Variants in CHST15 observed in about 807,000 individuals in gnomAD.
CHST15 encodes carbohydrate sulfotransferase 15.
Under a neutral mutation model 53.6 loss-of-function variants are expected in CHST15, and 30 were observed. That is an observed-to-expected ratio of 0.56 (90% CI 0.42 to 0.76). CHST15 has a LOEUF of 0.76. Ranked by LOEUF, CHST15 falls within the 30% of genes least tolerant of loss-of-function variation. The pLI is 0.00. For missense variants in CHST15, 627 were observed against 740.5 expected (o/e 0.85, Z 1.78); for synonymous variants, 296 against 289.8 (o/e 1.02, Z -0.22).
chr10:124,071,549 T>C (rs2134161107), intron 1 of CHST15, among the ~76,000 whole-genome samples: 1 of 152,356 alleles, frequency 6.6e-6, no homozygotes, highest in South Asian at 2.1e-4. Flanking sequence ...TTCATGTAGT[T>C]CAACTCGAAT....
intron 5 of CHST15, among the ~76,000 whole-genome samples, chr10:124,029,396 G>A (rs994939839): frequency 5.3e-5 from 8 of 152,140 alleles, no homozygotes; most frequent in East Asian, 1.9e-4. Context: ...TCCTAAAAAC[G>A]CCCAAATGAA....
At chr10:124,020,969 T>A in intron 6 of CHST15, 1 of 1,398,428 alleles carries the variant, frequency 7.2e-7, no homozygotes, top group South Asian at 1.7e-5. Context: ...AATTGCTGGG[T>A]GTCTTGCTAA....
intron 5 of CHST15, among the ~76,000 whole-genome samples, chr10:124,034,119 T>C (rs939730541): frequency 1.3e-5 from 2 of 152,186 alleles, no homozygotes; most frequent in African/African-American, 4.8e-5. Flanking sequence ...GTCGCCACTG[T>C]TGTTCACCAG....
At chr10:124,053,929 A>T (rs1218536019) in intron 1 of CHST15, among the ~76,000 whole-genome samples, 1 of 152,074 alleles carries the variant, frequency 6.6e-6, no homozygotes, top group Admixed American at 6.5e-5. Flanking sequence ...AAAAACCAAC[A>T]AACAAACAAA....
chr10:124,085,148 T>C (rs1276019968), intron 1 of CHST15, among the ~76,000 whole-genome samples: 2 of 152,242 alleles, frequency 1.3e-5, no homozygotes, highest in East Asian at 3.8e-4. Context: ...TTGGAAATTA[T>C]AGTCCCTAAA....
At chr10:124,088,943 A>G (rs1250691425) in intron 1 of CHST15, among the ~76,000 whole-genome samples, 4 of 152,238 alleles carry the variant, frequency 2.6e-5, no homozygotes, top group Non-Finnish European at 5.9e-5. Context: ...ACAGGTCTAC[A>G]CATAAATCAT....
rs1440627186 is a variant in CHST15, at chr10:124,034,571, TTCATCCC to T, written c.1190+3937_1190+3943del. 2.1e-3 allele frequency among the ~76,000 whole-genome samples: 312 copies of T among 148,490 alleles called. 4 individuals carry two copies. The highest frequency in any genetic ancestry group is 7.2e-3 in the African/African-American group (285 of 39,636). ...TTCATCCCCTAACAGGGACCCTGGC[TTCATCCC>T]CTAACAGGGACCCTGGCTCCACCCC... On this transcript the variant is annotated intron_variant, in intron 5 of 7. Coordinates refer to ENST00000435907, the MANE Select transcript of CHST15 (RefSeq NM_001270764.2).
At chr10:124,059,033 A>G (rs768226813) in intron 1 of CHST15, among the ~76,000 whole-genome samples, 1 of 152,208 alleles carries the variant, frequency 6.6e-6, no homozygotes, top group Non-Finnish European at 1.5e-5. Flanking sequence ...TACAGAATAC[A>G]GGACAGCGAG....
At chr10:124,020,935 G>T in intron 6 of CHST15, 1 of 1,383,920 alleles carries the variant, frequency 7.2e-7, no homozygotes, top group Non-Finnish European at 9.3e-7. Flanking sequence ...TTGAGAGTTG[G>T]GTGTCCTCAT....
chr10:124,054,702 A>G (rs1294389605), intron 1 of CHST15, among the ~76,000 whole-genome samples: 1 of 152,192 alleles, frequency 6.6e-6, no homozygotes, highest in African/African-American at 2.4e-5. Context: ...CCATTCTGTG[A>G]CTAGGTTTCC....
In CHST15 at chr10:124,008,565, C is replaced by T; in HGVS notation, c.*1584G>A. 1 of 1,001,436 alleles carries T rather than the reference C, an allele frequency of 1.0e-6. No individual in the cohort carries two copies. The highest frequency in any genetic ancestry group is 1.2e-6 in the Non-Finnish European group (1 of 838,738). The allele number at this position is 1,001,436 out of a possible 1,614,324, so 62.0% of individuals were successfully genotyped here. A position where few individuals can be genotyped will look rare whatever the true frequency, so the allele number is the denominator to read the frequency against. On this transcript the variant is annotated 3_prime_UTR_variant, in exon 8 of 8. Transcript: ENST00000435907. ...CCTGGCCATCCTGGCGCTCAGAGCCCTCTGCACACCTTCGAACGGGCTGTG... is the reference window on the plus strand; with the variant it reads ...CCTGGCCATCCTGGCGCTCAGAGCCTTCTGCACACCTTCGAACGGGCTGTG...
intron 1 of CHST15, among the ~76,000 whole-genome samples, chr10:124,078,598 G>A (rs979231576): frequency 1.1e-4 from 16 of 152,150 alleles, no homozygotes; most frequent in Admixed American, 6.5e-4. Context: ...CCCATAGAGC[G>A]CCATGTGGAC....
chr10:124,086,079 T>C (rs1949413642), intron 1 of CHST15, among the ~76,000 whole-genome samples: 1 of 152,222 alleles, frequency 6.6e-6, no homozygotes, highest in African/African-American at 2.4e-5. Context: ...CTCAGCTCCC[T>C]GTGAATTGCG....
chr10:124,015,321 T>C (rs1037674695), intron 6 of CHST15, among the ~76,000 whole-genome samples: 1 of 149,014 alleles, frequency 6.7e-6, no homozygotes, highest in Non-Finnish European at 1.5e-5. Flanking sequence ...TTAGAAAACA[T>C]CAGAGCTGCA....
At chr10:124,029,475 G>T (rs1285586255) in intron 5 of CHST15, among the ~76,000 whole-genome samples, 1 of 152,180 alleles carries the variant, frequency 6.6e-6, no homozygotes, top group Admixed American at 6.5e-5. Context: ...TGCACGAGTG[G>T]GGTTCCCAGC....
In CHST15 at chr10:124,007,690, C is replaced by T. The variant is rs577720955; in HGVS notation, c.*2459G>A. On this transcript the variant is annotated 3_prime_UTR_variant, in exon 8 of 8. Transcript: ENST00000435907. ...AGCTTGGCTGCAGAGGAAGAGCACGCGCTCCACAGGCGTCACTCTTATGGG... is the reference window on the plus strand; with the variant it reads ...AGCTTGGCTGCAGAGGAAGAGCACGTGCTCCACAGGCGTCACTCTTATGGG... 54 of 1,220,188 alleles carry T rather than the reference C, an allele frequency of 4.4e-5. No homozygotes were observed. In the South Asian group the frequency reaches 4.7e-4, roughly 11 times the overall value. 75.6% of individuals were successfully genotyped at this position (1,220,188 alleles called of 1,614,324 possible). A position where few individuals can be genotyped will look rare whatever the true frequency, so the allele number is the denominator to read the frequency against.
At chr10:124,063,779 C>T (rs556152774) in intron 1 of CHST15, among the ~76,000 whole-genome samples, 2 of 152,194 alleles carry the variant, frequency 1.3e-5, no homozygotes, top group Non-Finnish European at 2.9e-5. Flanking sequence ...CTTAAACCAC[C>T]GCTGTCTTGC....
chr10:124,008,528 A>G lies in CHST15; in HGVS notation c.*1621T>C. ...AGTTCAGGACACACGCTCCTTCAGT[A>G]GCAAAAACAGCCCTGGCCATCCTGG... On this transcript the variant is annotated 3_prime_UTR_variant, in exon 8 of 8. Coordinates refer to ENST00000435907, the MANE Select transcript of CHST15 (RefSeq NM_001270764.2). 2.0e-6 allele frequency: 2 copies of G among 991,938 alleles called. No homozygotes were observed. Among genetic ancestry groups the G allele is most frequent in the Non-Finnish European group, 2.4e-6 (2 of 833,478 alleles). The allele number at this position is 991,938 out of a possible 1,614,324, so 61.4% of individuals were successfully genotyped here.
chr10:124,071,288 G>A (rs987745910), intron 1 of CHST15, among the ~76,000 whole-genome samples: 3 of 152,246 alleles, frequency 2.0e-5, no homozygotes, highest in African/African-American at 7.2e-5. Context: ...GAGATGGACA[G>A]GCCAGCCAGA....
Sources: allele counts gnomAD v4.1 joint callset (sites outside exome capture counted in the v4.1 genomes callset), GRCh38; gene constraint gnomAD v4.1.1; transcripts MANE v1.5; gene names NCBI Gene and HGNC (gene_info 2026-07-23, HGNC 2026-07-21).